Variants in PTPRT observed in about 807,000 individuals in gnomAD.
PTPRT encodes the protein protein tyrosine phosphatase receptor type T.
PTPRT carries 56 observed loss-of-function variants against 176.8 expected under a neutral mutation model. The ratio of observed to expected loss-of-function variants is 0.32; its 90% CI spans 0.26 to 0.40. The LOEUF (loss-of-function observed/expected upper bound fraction) is 0.40. Ranked by LOEUF, PTPRT falls within the 10% of genes least tolerant of loss-of-function variation. The pLI, the probability that PTPRT is intolerant of heterozygous loss-of-function variation, is 1.00. For synonymous variants in PTPRT, 783 were observed against 739.0 expected (o/e 1.06, Z -0.96); for missense variants, 1,540 against 1,908.2 (o/e 0.81, Z 3.60).
intron 9 of PTPRT, among the ~76,000 whole-genome samples, chr20:42,383,615 G>T (rs974775879): frequency 1.3e-5 from 2 of 152,062 alleles, no homozygotes; most frequent in African/African-American, 4.8e-5. Flanking sequence ...ATTAGAGTTG[G>T]TTACCATTAC....
At chr20:42,051,337 A>C in the PTPRT span, among the ~76,000 whole-genome samples, 2 of 152,196 alleles carry the variant, frequency 1.3e-5, no homozygotes, top group African/African-American at 4.8e-5. Flanking sequence ...AGTAACTCTG[A>C]GACAAGGAAT....
At chr20:42,561,332 T>C (rs1419303491) in intron 7 of PTPRT, among the ~76,000 whole-genome samples, 1 of 152,222 alleles carries the variant, frequency 6.6e-6, no homozygotes, top group Non-Finnish European at 1.5e-5. Flanking sequence ...GGGCAGAGGC[T>C]GGGCCGGGAC....
intron 2 of PTPRT, among the ~76,000 whole-genome samples, chr20:42,884,092 G>A (rs908731611): frequency 6.6e-6 from 1 of 152,148 alleles, no homozygotes; most frequent in Non-Finnish European, 1.5e-5. Flanking sequence ...TGGATTCTTG[G>A]GGTCCCTAAT....
At chr20:42,292,679 G>A (rs1054252193) in intron 12 of PTPRT, among the ~76,000 whole-genome samples, 6 of 152,144 alleles carry the variant, frequency 3.9e-5, no homozygotes, top group African/African-American at 1.4e-4. Context: ...GCTTTCTTGG[G>A]TTGCAGGCAG....
chr20:42,797,051 T>C (rs1169045896), intron 2 of PTPRT, among the ~76,000 whole-genome samples: 1 of 152,186 alleles, frequency 6.6e-6, no homozygotes, highest in Non-Finnish European at 1.5e-5. Flanking sequence ...TTTCTATCTT[T>C]CCCATACCCC....
chr20:42,812,854 G>C (rs1002723612), intron 2 of PTPRT, among the ~76,000 whole-genome samples: 1 of 151,912 alleles, frequency 6.6e-6, no homozygotes, highest in African/African-American at 2.4e-5. Context: ...AAAATAATTT[G>C]TTATTGTTGT....
chr20:42,791,500 CAAAGAG>C (rs2077375521), intron 2 of PTPRT, 34 bp from the exon 3 acceptor site: 1 of 1,572,910 alleles, frequency 6.4e-7, no homozygotes, highest in African/African-American at 1.3e-5. Context: ...GAAGTAGAGA[CAAAGAG>C]AAAGTAAGAA....
chr20:42,225,492 C>T (rs1363148403), intron 15 of PTPRT, among the ~76,000 whole-genome samples: 2 of 152,136 alleles, frequency 1.3e-5, no homozygotes, highest in Non-Finnish European at 2.9e-5. Context: ...CTCCCTACCC[C>T]TTTCTTTCCC....
intron 27 of PTPRT, 108 bp downstream of exon 27, chr20:42,098,313 C>T: frequency 4.7e-6 from 7 of 1,474,502 alleles, no homozygotes; most frequent in Non-Finnish European, 6.5e-6. Context: ...TATTACAAGA[C>T]AGCTGGCTGG....
intron 7 of PTPRT, among the ~76,000 whole-genome samples, chr20:42,495,420 G>A (rs2071636007): frequency 6.6e-6 from 1 of 152,126 alleles, no homozygotes; most frequent in South Asian, 2.1e-4. Flanking sequence ...CTGGAAAGTG[G>A]AGGAGTCTCA....
chr20:42,341,846 G>A (rs953662197), intron 11 of PTPRT, among the ~76,000 whole-genome samples: 4 of 152,090 alleles, frequency 2.6e-5, no homozygotes, highest in African/African-American at 7.2e-5. Flanking sequence ...ACACTCTTTC[G>A]ATCTTCATGT....
At chr20:42,392,567 T>A (rs1284365978) in intron 9 of PTPRT, among the ~76,000 whole-genome samples, 1 of 152,142 alleles carries the variant, frequency 6.6e-6, no homozygotes, top group African/African-American at 2.4e-5. Context: ...AGCTACAGAG[T>A]CAGGCAGAAC....
chr20:42,635,701 C>T (rs2074581809), intron 7 of PTPRT, among the ~76,000 whole-genome samples: 1 of 152,014 alleles, frequency 6.6e-6, no homozygotes, highest in South Asian at 2.1e-4. Flanking sequence ...CAGTTTGTGG[C>T]ATCTCTTTTT....
intron 11 of PTPRT, among the ~76,000 whole-genome samples, chr20:42,344,786 C>T (rs1483343510): frequency 2.0e-5 from 3 of 152,150 alleles, no homozygotes; most frequent in Non-Finnish European, 4.4e-5. Flanking sequence ...AGACCTTCTT[C>T]ACCTGGACCC....
chr20:42,602,679 T>TC (rs1198620282), intron 7 of PTPRT, among the ~76,000 whole-genome samples: 1 of 152,008 alleles, frequency 6.6e-6, no homozygotes, highest in Non-Finnish European at 1.5e-5. Flanking sequence ...GTTCTTTTTT[T>TC]CTCCTATAGC....
chr20:42,754,185 CA>C (rs57265112), intron 6 of PTPRT, among the ~76,000 whole-genome samples: 6 of 150,488 alleles, frequency 4.0e-5, no homozygotes, highest in African/African-American at 1.5e-4. Context: ...AATAAATCTT[CA>C]AAAAAAATTT....
At chr20:43,130,834 A>G in intron 1 of PTPRT, among the ~76,000 whole-genome samples, 1 of 152,114 alleles carries the variant, frequency 6.6e-6, no homozygotes, top group South Asian at 2.1e-4. Context: ...AAAAAAGGAA[A>G]AAGTATGTAT....
At chr20:42,138,313 T>C (rs1160878462) in intron 18 of PTPRT, among the ~76,000 whole-genome samples, 1 of 152,182 alleles carries the variant, frequency 6.6e-6, no homozygotes, top group Non-Finnish European at 1.5e-5. Flanking sequence ...TGGAGGTACT[T>C]ACTCCTCCAG....
At chr20:42,170,220 G>T (rs771296245) in intron 16 of PTPRT, among the ~76,000 whole-genome samples, 2 of 152,184 alleles carry the variant, frequency 1.3e-5, no homozygotes, top group African/African-American at 4.8e-5. Flanking sequence ...ACATTCATGG[G>T]CATCTCATTC....
Sources: allele counts gnomAD v4.1 joint callset (sites outside exome capture counted in the v4.1 genomes callset), GRCh38; gene constraint gnomAD v4.1.1; transcripts MANE v1.5; gene names NCBI Gene and HGNC (gene_info 2026-07-23, HGNC 2026-07-21).